The following PGAM5 variants were observed in gnomAD, a reference collection of about 807,000 sequenced individuals.
PGAM5 encodes the protein PGAM family member 5, mitochondrial serine/threonine protein phosphatase, also known as serine/threonine-protein phosphatase PGAM5, mitochondrial.
Under a neutral mutation model 30.6 loss-of-function variants are expected in PGAM5, and 25 were observed. That is an observed-to-expected ratio of 0.82 (90% CI 0.60 to 1.14). The LOEUF (loss-of-function observed/expected upper bound fraction) is 1.14. Among genes scored for constraint, PGAM5 ranks in the 50% most tolerant of loss-of-function variants. The pLI, the probability that PGAM5 is intolerant of heterozygous loss-of-function variation, is 0.00. For missense variants in PGAM5, 384 were observed against 408.5 expected (o/e 0.94, Z 0.52); for synonymous variants, 201 against 179.1 (o/e 1.12, Z -0.98).
rs754387208 is a variant in PGAM5, at chr12:132,722,676, TTC to T, written c.*1852_*1853del. 2.0e-5 allele frequency: 3 copies of T among 152,230 alleles called. No individual in the cohort carries two copies. Among genetic ancestry groups the T allele is most frequent in the Non-Finnish European group, 4.4e-5 (3 of 68,036 alleles). The allele number at this position is 152,230 out of a possible 1,614,324, so 9.4% of individuals were successfully genotyped here. A position where few individuals can be genotyped will look rare whatever the true frequency, so the allele number is the denominator to read the frequency against. On this transcript the variant is annotated 3_prime_UTR_variant, in exon 6 of 6. Coordinates refer to ENST00000498926, the MANE Select transcript of PGAM5 (RefSeq NM_001170543.2). ...AATACAGTTGGGATATCTGATCTAT[TTC>T]TCTGTCTACTTTGGAAATGATTGCA...
intron 1 of PGAM5, among the ~76,000 whole-genome samples, chr12:132,712,478 C>T (rs892894656): frequency 2.0e-5 from 3 of 151,962 alleles, no homozygotes; most frequent in African/African-American, 4.8e-5. Context: ...TTCCTTGAGA[C>T]GGAGTTTCGC....
At chr12:132,718,962 G>T in intron 5 of PGAM5, 2 of 1,499,582 alleles carry the variant, frequency 1.3e-6, no homozygotes, top group Non-Finnish European at 1.8e-6. Context: ...ACCTGCTCTG[G>T]TGCCCCACTC....
rs1266437849 is a variant in PGAM5, at chr12:132,720,814, A to C, written c.856A>C (p.Ile286Leu). 5.2e-6 allele frequency: 8 copies of C among 1,536,268 alleles called. No homozygotes were observed. The East Asian group carries it at 2.0e-4, about 38-fold the overall frequency. ...CACGGGGTTCATGCCTCCCGACAAG[A>C]TCACTCGATCCTGAGGGCTCCGGCC... ...GDTGFMPPDK[I>L]TRS Residue 286 changes from isoleucine to leucine, a missense_variant, in exon 6 of 6, where the codon ATC (isoleucine) becomes CTC (leucine). Ile to Leu is a conservative substitution (Grantham distance 5, BLOSUM62 2). Coordinates refer to ENST00000498926, the MANE Select transcript of PGAM5 (RefSeq NM_001170543.2).
chr12:132,714,940 T>C lies in PGAM5; in HGVS notation c.274T>C (p.Tyr92His). 1 of 1,613,660 alleles carries C rather than the reference T, an allele frequency of 6.2e-7. No individual in the cohort carries two copies. ...EEELASKLDH[Y>H]KAKATRHIFL... is the part of the protein sequence containing the mutation. Reference sequence around the variant, plus strand: ...AGAGCTGGCGTCCAAGCTGGACCACTACAAAGCCAAGGCCACGCGGCACAT... The same window carrying C: ...AGAGCTGGCGTCCAAGCTGGACCACCACAAAGCCAAGGCCACGCGGCACAT... The change falls in exon 2 of 6, where the codon TAC becomes CAC. Residue 92 changes from tyrosine to histidine, a missense_variant. Transcript: ENST00000498926.
intron 1 of PGAM5, among the ~76,000 whole-genome samples, chr12:132,714,100 C>T (rs1486366025): frequency 1.3e-5 from 2 of 152,180 alleles, no homozygotes; most frequent in South Asian, 2.1e-4. Context: ...TCTCTGCAAC[C>T]TCCGCCTCCC....
chr12:132,718,847 G>A (rs746716627), intron 5 of PGAM5: 31 of 1,612,990 alleles, frequency 1.9e-5, no homozygotes, highest in South Asian at 6.6e-5. Context: ...GCTCCCACCC[G>A]TGTGCCAGCG....
In PGAM5 at chr12:132,721,791, G is replaced by T. The variant is rs1258502388; in HGVS notation, c.*963G>T. ...TTTAGTAAAGACAGGGTTTCATGGA[G>T]AAACCAATATAGAATTGTTCAGGCT... On this transcript the variant is annotated 3_prime_UTR_variant, in exon 6 of 6. Coordinates refer to ENST00000498926, the MANE Select transcript of PGAM5 (RefSeq NM_001170543.2). 1.3e-5 allele frequency: 2 copies of T among 152,148 alleles called. No homozygotes were observed. Among genetic ancestry groups the T allele is most frequent in the African/African-American group, 2.4e-5 (1 of 41,430 alleles). 9.4% of individuals were successfully genotyped at this position (152,148 alleles called of 1,614,324 possible). A position where few individuals can be genotyped will look rare whatever the true frequency, so the allele number is the denominator to read the frequency against.
At chr12:132,713,556 A>T (rs999550125) in intron 1 of PGAM5, among the ~76,000 whole-genome samples, 2 of 152,200 alleles carry the variant, frequency 1.3e-5, no homozygotes, top group Admixed American at 1.3e-4. Context: ...GGCGTGGCCC[A>T]AACGGAGCCC....
At chr12:132,717,662 C>T in intron 3 of PGAM5, 48 bp from the exon 4 acceptor site, 3 of 1,572,936 alleles carry the variant, frequency 1.9e-6, no homozygotes, top group Non-Finnish European at 2.6e-6. Flanking sequence ...CACAGCATCT[C>T]CGCCGGCGGG....
chr12:132,716,525 G>A (rs998982727), intron 2 of PGAM5, among the ~76,000 whole-genome samples: 5 of 152,172 alleles, frequency 3.3e-5, no homozygotes, highest in East Asian at 1.9e-4. Context: ...CACCGCGCCC[G>A]GCCTGGCCTC....
intron 1 of PGAM5, chr12:132,711,678 CG>C (rs1281359873): frequency 6.6e-6 from 1 of 151,508 alleles, no homozygotes; most frequent in African/African-American, 2.4e-5. Context: ...CCCAGCTACT[CG>C]GGAGGCTGAG....
In PGAM5 at chr12:132,710,859, G is replaced by C. The variant is rs1406903849; in HGVS notation, c.-18G>C. 8.9e-7 allele frequency: 1 copy of C among 1,118,480 alleles called. No homozygotes were observed. The highest frequency in any genetic ancestry group is 5.0e-5 in the Admixed American group (1 of 19,924). The allele number at this position is 1,118,480 out of a possible 1,614,324, so 69.3% of individuals were successfully genotyped here. A position where few individuals can be genotyped will look rare whatever the true frequency, so the allele number is the denominator to read the frequency against. ...GGGGCCGTGGGCGCCTGCGCGGGCC[G>C]GCGCGGGAGCAAGCGGCATGGCGTT... On this transcript the variant is annotated 5_prime_UTR_variant, in exon 1 of 6. Coordinates refer to ENST00000498926, the MANE Select transcript of PGAM5 (RefSeq NM_001170543.2).
chr12:132,711,219 G>A (rs927047023), intron 1 of PGAM5, 152 bp downstream of exon 1: 1 of 574,904 alleles, frequency 1.7e-6, no homozygotes, highest in Non-Finnish European at 2.4e-6. Flanking sequence ...CGCTTTCCGG[G>A]GCCGCTCTGC....
chr12:132,719,872 G>C lies in PGAM5; in HGVS notation c.720-806G>C, dbSNP rs1034275345. ...CGCAAATGCGAATTGTGCCTAAGAA[G>C]TGCATGAAGATGCCACGGCGGGTAG... On this transcript the variant is annotated intron_variant, in intron 5 of 5. Coordinates refer to ENST00000498926, the MANE Select transcript of PGAM5 (RefSeq NM_001170543.2). Among the ~76,000 whole-genome samples, 34 of 152,352 alleles carry C rather than the reference G, an allele frequency of 2.2e-4. 1 individual carries two copies. The highest frequency in any genetic ancestry group is 2.2e-3 in the Admixed American group (33 of 15,308).
At position 132,720,904 on chromosome 12, in the gene PGAM5, G is replaced by A. The variant is rs979664568; in HGVS notation, c.*76G>A. ...TTAACGTTTTGTTCCCAAGGAGACC[G>A]GCGGAAAGTAGAAACCTGCAATGCT... On this transcript the variant is annotated 3_prime_UTR_variant, in exon 6 of 6. Transcript: ENST00000498926. 2.3e-5 allele frequency: 34 copies of A among 1,453,398 alleles called. No homozygotes were observed. In the Middle Eastern group the frequency reaches 9.6e-4, roughly 41 times the overall value. The allele number at this position is 1,453,398 out of a possible 1,614,324, so 90.0% of individuals were successfully genotyped here. A position where few individuals can be genotyped will look rare whatever the true frequency, so the allele number is the denominator to read the frequency against.
rs1444489509 is a variant in PGAM5 at position 132,720,900 on chromosome 12, G to T, written c.*72G>T. The T allele has an allele frequency of 7.5e-6, 11 of 1,462,628 alleles. No homozygotes were observed. Among genetic ancestry groups the T allele is most frequent in the East Asian group, 5.1e-5 (2 of 39,466 alleles). The allele number at this position is 1,462,628 out of a possible 1,614,324, so 90.6% of individuals were successfully genotyped here. A position where few individuals can be genotyped will look rare whatever the true frequency, so the allele number is the denominator to read the frequency against. On this transcript the variant is annotated 3_prime_UTR_variant, in exon 6 of 6. Coordinates refer to ENST00000498926, the MANE Select transcript of PGAM5 (RefSeq NM_001170543.2). The stretch of plus-strand genomic sequence containing the variant: ...ACACTTAACGTTTTGTTCCCAAGGA[G>T]ACCGGCGGAAAGTAGAAACCTGCAA...
intron 1 of PGAM5, chr12:132,711,352 G>C (rs761541843): frequency 3.4e-5 from 8 of 238,072 alleles, no homozygotes; most frequent in Non-Finnish European, 6.4e-5. Flanking sequence ...AGCGCGGGCC[G>C]GGGCGAGGCT....
Position 132,718,024 on chromosome 12 carries a change from T to A in PGAM5, c.623T>A (p.Phe208Tyr). 6.2e-7 allele frequency: 1 copy of A among 1,612,752 alleles called. No homozygotes were observed. Among genetic ancestry groups the A allele is most frequent in the Non-Finnish European group, 8.5e-7 (1 of 1,179,978 alleles). Residue 208 changes from phenylalanine to tyrosine, a missense_variant, in exon 5 of 6, where the codon TTC (phenylalanine) becomes TAC (tyrosine). Coordinates refer to ENST00000498926, the MANE Select transcript of PGAM5 (RefSeq NM_001170543.2). The part of the protein sequence containing the change: ...YEDGARIEAA[F>Y]RNYIHRADAR... ...GACGGAGCCCGGATCGAGGCCGCCTTCCGGAACTACATCCACCGCGCAGAT... is the reference window on the plus strand; with the variant it reads ...GACGGAGCCCGGATCGAGGCCGCCTACCGGAACTACATCCACCGCGCAGAT...
In PGAM5 at chr12:132,717,309, A is replaced by C. The variant is rs1425188994; in HGVS notation, c.371-130A>C. 11 of 881,630 alleles carry C rather than the reference A, an allele frequency of 1.2e-5. No homozygotes were observed. The Admixed American group carries it at 2.3e-4, about 18-fold the overall frequency. The allele number at this position is 881,630 out of a possible 1,614,324, so 54.6% of individuals were successfully genotyped here. On this transcript the variant is annotated intron_variant, in intron 2 of 5. Transcript: ENST00000498926. ...CAGGGGTCGTGTTTGCGGGCGGAGG[A>C]GGGGGTGTTTGCGGGCGGAGGAGGG...
Sources: allele counts gnomAD v4.1 joint callset (sites outside exome capture counted in the v4.1 genomes callset), GRCh38; gene constraint gnomAD v4.1.1; transcripts MANE v1.5; gene names NCBI Gene and HGNC (gene_info 2026-07-23, HGNC 2026-07-21).